Variants in BMPR1A observed in about 807,000 individuals in gnomAD.
The protein encoded by BMPR1A is bone morphogenetic protein receptor type-1A.
BMPR1A carries 7 observed loss-of-function variants against 66.0 expected under a neutral mutation model. That is an observed-to-expected ratio of 0.11 (90% confidence interval 0.06 to 0.20). BMPR1A has a LOEUF of 0.20. BMPR1A is among the 10% of genes least tolerant of loss of function. The probability of loss-of-function intolerance (pLI) is 1.00; values close to 1 mark genes in which losing one functional copy is unlikely to be tolerated. For missense variants in BMPR1A, 408 were observed against 669.1 expected (o/e 0.61, Z 4.31); for synonymous variants, 200 against 229.7 (o/e 0.87, Z 1.17).
chr10:86,757,358 C>G (rs1300723125), intron 1 of BMPR1A, among the ~76,000 whole-genome samples: 1 of 152,184 alleles, frequency 6.6e-6, no homozygotes, highest in Non-Finnish European at 1.5e-5. Flanking sequence ...GAGCAGCCGG[C>G]CCGCCCCCGA....
chr10:86,835,699 C>T (rs761462687), intron 1 of BMPR1A, among the ~76,000 whole-genome samples: 2 of 148,982 alleles, frequency 1.3e-5, no homozygotes, highest in Non-Finnish European at 3.0e-5. Flanking sequence ...TTATAGATAA[C>T]TGTTATGATA....
chr10:86,921,819 A>T, intron 11 of BMPR1A, 124 bp downstream of exon 11: 2 of 1,220,280 alleles, frequency 1.6e-6, no homozygotes, highest in East Asian at 2.5e-5. Flanking sequence ...ATATTATTGG[A>T]TAAGGAGTTA....
chr10:86,913,165 C>G (rs983593129), intron 8 of BMPR1A, among the ~76,000 whole-genome samples: 2 of 152,020 alleles, frequency 1.3e-5, no homozygotes, highest in African/African-American at 4.8e-5. Context: ...TGCTCTGTCA[C>G]CCAGGCTGGA....
chr10:86,862,679 C>A (rs1481706248), intron 2 of BMPR1A, among the ~76,000 whole-genome samples: 1 of 151,702 alleles, frequency 6.6e-6, no homozygotes, highest in African/African-American at 2.4e-5. Context: ...TCTGCAGGTA[C>A]AACCAGTGGA....
At chr10:86,880,569 G>A in intron 3 of BMPR1A, among the ~76,000 whole-genome samples, 1 of 152,148 alleles carries the variant, frequency 6.6e-6, no homozygotes, top group Non-Finnish European at 1.5e-5. Flanking sequence ...GTACATTTTG[G>A]TTTAATGGAT....
chr10:86,831,293 C>G (rs1339960932), intron 1 of BMPR1A, among the ~76,000 whole-genome samples: 1 of 152,030 alleles, frequency 6.6e-6, no homozygotes. Context: ...GGAGGATTAA[C>G]TTATTTTATA....
chr10:86,890,612 T>TA (rs1843135041), intron 4 of BMPR1A, among the ~76,000 whole-genome samples: 2 of 152,062 alleles, frequency 1.3e-5, no homozygotes, highest in Admixed American at 6.5e-5. Flanking sequence ...ATTTTTTTTT[T>TA]AACTATAGAC....
At chr10:86,871,174 C>G (rs934220666) in intron 2 of BMPR1A, among the ~76,000 whole-genome samples, 1 of 152,222 alleles carries the variant, frequency 6.6e-6, no homozygotes, top group South Asian at 2.1e-4. Flanking sequence ...AAGGTCACTT[C>G]TCAGCATTGC....
At chr10:86,855,039 C>A in intron 2 of BMPR1A, 1 of 224,342 alleles carries the variant, frequency 4.5e-6, no homozygotes, top group Non-Finnish European at 8.6e-6. Context: ...TGGGTTCAAG[C>A]AGTTCTCCTC....
chr10:86,826,058 C>T (rs1284261337), intron 1 of BMPR1A, among the ~76,000 whole-genome samples: 2 of 152,150 alleles, frequency 1.3e-5, no homozygotes, highest in African/African-American at 2.4e-5. Flanking sequence ...CACTTGCTAA[C>T]GTTTGCCTCA....
rs1161576683 is a variant in BMPR1A at position 86,925,229 on chromosome 10, ACTT to A, written c.*1514_*1516del. 59 of 228,184 alleles carry A rather than the reference ACTT, an allele frequency of 2.6e-4. No individual in the cohort carries two copies. The highest frequency in any genetic ancestry group is 2.0e-3 in the Admixed American group (35 of 17,670). The allele number at this position is 228,184 out of a possible 1,614,324, so 14.1% of individuals were successfully genotyped here. A position where few individuals can be genotyped will look rare whatever the true frequency, so the allele number is the denominator to read the frequency against. On this transcript the variant is annotated 3_prime_UTR_variant, in exon 13 of 13. Coordinates refer to ENST00000372037, the MANE Select transcript of BMPR1A (RefSeq NM_004329.3). ...AGAAATCTGATTTACATAAACTTAT[ACTT>A]CTTTAATGCTTTTTAAATATTTATT...
intron 1 of BMPR1A, among the ~76,000 whole-genome samples, chr10:86,793,614 T>G (rs956940780): frequency 6.6e-6 from 1 of 152,112 alleles, no homozygotes; most frequent in Admixed American, 6.6e-5. Context: ...CCTCCCAAAG[T>G]GCTGGGATTA....
At chr10:86,757,907 T>C (rs960832731) in intron 1 of BMPR1A, among the ~76,000 whole-genome samples, 1 of 152,188 alleles carries the variant, frequency 6.6e-6, no homozygotes, top group African/African-American at 2.4e-5. Context: ...GCAAACACTT[T>C]TACGTTTAGG....
intron 7 of BMPR1A, among the ~76,000 whole-genome samples, chr10:86,903,823 G>A (rs1843346400): frequency 6.6e-6 from 1 of 152,062 alleles, no homozygotes; most frequent in Admixed American, 6.6e-5. Flanking sequence ...TAGCCAGATG[G>A]TCTCGATCTC....
chr10:86,803,781 T>C (rs545458722), intron 1 of BMPR1A, among the ~76,000 whole-genome samples: 57 of 152,280 alleles, frequency 3.7e-4, no homozygotes, highest in African/African-American at 1.3e-3. Context: ...AGGATATTTG[T>C]TTATTTTTCC....
intron 1 of BMPR1A, among the ~76,000 whole-genome samples, chr10:86,764,615 G>T (rs1426081504): frequency 1.3e-5 from 2 of 152,054 alleles, no homozygotes; most frequent in Admixed American, 1.3e-4. Context: ...GAATATCTTG[G>T]ACTGGTCTCC....
At chr10:86,831,474 C>T (rs1842266684) in intron 1 of BMPR1A, among the ~76,000 whole-genome samples, 1 of 152,164 alleles carries the variant, frequency 6.6e-6, no homozygotes, top group South Asian at 2.1e-4. Context: ...ATAACAGTGG[C>T]ACCAGGCACA....
chr10:86,777,905 G>C (rs556092545), intron 1 of BMPR1A, among the ~76,000 whole-genome samples: 1 of 151,920 alleles, frequency 6.6e-6, no homozygotes, highest in South Asian at 2.1e-4. Context: ...CTCATCTACC[G>C]GGGATGCTGA....
At chr10:86,779,441 C>G (rs966396953) in intron 1 of BMPR1A, among the ~76,000 whole-genome samples, 2 of 152,112 alleles carry the variant, frequency 1.3e-5, no homozygotes, top group Non-Finnish European at 2.9e-5. Context: ...CCCGTTTGCC[C>G]ATTTGCCCAT....
Sources: gnomAD v4.1 joint callset for allele counts (sites outside exome capture counted in the v4.1 genomes callset) on GRCh38, gnomAD v4.1.1 for gene constraint, MANE v1.5 for transcripts, NCBI Gene and HGNC (gene_info 2026-07-23, HGNC 2026-07-21) for gene names.